Variants in RANBP17 observed in about 807,000 individuals in gnomAD.
RANBP17 encodes ran-binding protein 17.
RANBP17 carries 158 observed loss-of-function variants against 141.2 expected under a neutral mutation model. That is an observed-to-expected ratio of 1.12 (90% CI 0.98 to 1.28). RANBP17 has a LOEUF of 1.28. Among genes scored for constraint, RANBP17 ranks in the 50% most tolerant of loss-of-function variants. The pLI is 0.00. For missense variants in RANBP17, 1,438 were observed against 1,290.7 expected, an observed-to-expected ratio of 1.11 and a Z score of -1.75; for synonymous variants, 430 against 450.0, an observed-to-expected ratio of 0.96 and a Z score of 0.56.
At chr5:170,975,077 T>C (rs908501693) in intron 14 of RANBP17, among the ~76,000 whole-genome samples, 6 of 152,222 alleles carry the variant, frequency 3.9e-5, no homozygotes, top group African/African-American at 1.4e-4. Flanking sequence ...CTCCTGAACA[T>C]ACTTTCTCAT....
chr5:171,008,804 C>G (rs1779835208), intron 14 of RANBP17, among the ~76,000 whole-genome samples: 1 of 152,034 alleles, frequency 6.6e-6, no homozygotes, highest in African/African-American at 2.4e-5. Flanking sequence ...ACAGGCAGGT[C>G]ACAGGGGATA....
chr5:171,112,577 T>C (rs764231595), intron 14 of RANBP17, among the ~76,000 whole-genome samples: 5 of 151,988 alleles, frequency 3.3e-5, no homozygotes, highest in Non-Finnish European at 7.4e-5. Flanking sequence ...ACCAGACTCA[T>C]GAAAAAGGAA....
intron 12 of RANBP17, among the ~76,000 whole-genome samples, chr5:170,942,617 C>T (rs1215249733): frequency 1.3e-5 from 2 of 152,066 alleles, no homozygotes; most frequent in Non-Finnish European, 2.9e-5. Flanking sequence ...TAAATATTGA[C>T]TCATGCTTAC....
intron 14 of RANBP17, among the ~76,000 whole-genome samples, chr5:171,077,256 C>T (rs761920260): frequency 6.6e-6 from 1 of 151,904 alleles, no homozygotes; most frequent in Non-Finnish European, 1.5e-5. Context: ...AGGAGAATGG[C>T]GTGAACCCGG....
At chr5:170,935,632 G>A (rs1459581625) in intron 12 of RANBP17, among the ~76,000 whole-genome samples, 1 of 152,136 alleles carries the variant, frequency 6.6e-6, no homozygotes, top group Non-Finnish European at 1.5e-5. Context: ...AGCAGATGTT[G>A]CTGCCTAATC....
At chr5:171,166,783 GT>G (rs1759728482) in intron 14 of RANBP17, among the ~76,000 whole-genome samples, 1 of 152,116 alleles carries the variant, frequency 6.6e-6, no homozygotes, top group Non-Finnish European at 1.5e-5. Context: ...ATGAGAAACA[GT>G]CTTTTAAAAG....
chr5:171,297,791 C>G (rs1442949723), intron 27 of RANBP17, among the ~76,000 whole-genome samples: 2 of 147,352 alleles, frequency 1.4e-5, no homozygotes, highest in African/African-American at 5.1e-5. Context: ...GTACCAGGCA[C>G]TGTGTTGAGT....
chr5:171,047,770 A>G (rs1782690362), intron 14 of RANBP17, among the ~76,000 whole-genome samples: 1 of 152,014 alleles, frequency 6.6e-6, no homozygotes, highest in Non-Finnish European at 1.5e-5. Flanking sequence ...TTATATATAG[A>G]TTTTGACTAC....
intron 25 of RANBP17, among the ~76,000 whole-genome samples, chr5:171,291,518 G>T (rs1768492653): frequency 1.3e-5 from 2 of 152,134 alleles, no homozygotes; most frequent in African/African-American, 4.8e-5. Flanking sequence ...CTCACCGTGG[G>T]CCGGGTGGTG....
intron 1 of RANBP17, 52 bp downstream of exon 1, chr5:170,862,103 C>A (rs1336517290): frequency 4.2e-6 from 6 of 1,423,184 alleles, no homozygotes; most frequent in Admixed American, 3.0e-5. Context: ...GGGAACCCGG[C>A]GGGACGCGTC....
chr5:171,251,718 C>T, intron 24 of RANBP17: 1 of 661,952 alleles, frequency 1.5e-6, no homozygotes, highest in Non-Finnish European at 2.6e-6. Context: ...GCTCGGGGTC[C>T]ACCCGCGGGC....
At chr5:171,080,009 A>T (rs2127707289) in intron 14 of RANBP17, among the ~76,000 whole-genome samples, 2 of 152,214 alleles carry the variant, frequency 1.3e-5, no homozygotes, top group Middle Eastern at 3.4e-3. Flanking sequence ...CAAAAGAAAC[A>T]CTGAGAGATG....
chr5:170,985,968 A>G (rs1778114107), intron 14 of RANBP17, among the ~76,000 whole-genome samples: 1 of 152,044 alleles, frequency 6.6e-6, no homozygotes, highest in South Asian at 2.1e-4. Flanking sequence ...ATTGCTTTTC[A>G]GGAAGATTTT....
chr5:171,274,127 TGTGTGTGTGTGTGTGTGTGTGTGC>T (rs1303620762), intron 25 of RANBP17, among the ~76,000 whole-genome samples: 27 of 126,322 alleles, frequency 2.1e-4, no homozygotes, highest in African/African-American at 6.9e-4. Context: ...TGTGTGTGTG[TGTGTGTGTGTGTGTGTGTGTGTGC>T]GCGCGCGCGC....
At chr5:171,247,269 T>C (rs1765263903) in intron 24 of RANBP17, among the ~76,000 whole-genome samples, 1 of 152,198 alleles carries the variant, frequency 6.6e-6, no homozygotes, top group African/African-American at 2.4e-5. Flanking sequence ...ATATTGGTGG[T>C]TTATCTTCAG....
chr5:171,110,108 T>C (rs1755118877), intron 14 of RANBP17, among the ~76,000 whole-genome samples: 1 of 151,894 alleles, frequency 6.6e-6, no homozygotes, highest in Admixed American at 6.6e-5. Flanking sequence ...TTTTCTGATA[T>C]GTTTATCAGT....
At chr5:170,888,633 C>G (rs1346708644) in intron 3 of RANBP17, among the ~76,000 whole-genome samples, 2 of 152,070 alleles carry the variant, frequency 1.3e-5, no homozygotes, top group Non-Finnish European at 2.9e-5. Flanking sequence ...TTCTACATAT[C>G]ATGCCATCTG....
intron 14 of RANBP17, among the ~76,000 whole-genome samples, chr5:171,087,793 CT>C (rs1403189464): frequency 6.8e-6 from 1 of 147,414 alleles, no homozygotes; most frequent in Non-Finnish European, 1.5e-5. Flanking sequence ...CAACCCCTGC[CT>C]TTTTTTGTTT....
intron 20 of RANBP17, chr5:171,206,981 C>G: frequency 5.7e-6 from 1 of 176,948 alleles, no homozygotes; most frequent in Non-Finnish European, 1.2e-5. Context: ...ATATATGACC[C>G]TTTTATTTCT....
Sources: gnomAD v4.1 joint callset for allele counts (sites outside exome capture counted in the v4.1 genomes callset) on GRCh38, gnomAD v4.1.1 for gene constraint, MANE v1.5 for transcripts, NCBI Gene and HGNC (gene_info 2026-07-23, HGNC 2026-07-21) for gene names.